PCLO: variants seen among roughly 807,000 people sequenced by gnomAD.
PCLO encodes the protein piccolo presynaptic cytomatrix protein.
PCLO carries 82 observed loss-of-function variants against 427.5 expected under a neutral mutation model. That is an observed-to-expected ratio of 0.19 (90% CI 0.16 to 0.23). The LOEUF is 0.23. Among genes scored for constraint, PCLO ranks in the 10% least tolerant of loss-of-function variants. The pLI, the probability that PCLO is intolerant of heterozygous loss-of-function variation, is 1.00. For missense variants in PCLO, 6,239 were observed against 6,115.9 expected, an observed-to-expected ratio of 1.02 and a Z score of -0.67; for synonymous variants, 2,357 against 2,155.4, an observed-to-expected ratio of 1.09 and a Z score of -2.59.
chr7:82,895,027 C>G (rs1392662468), intron 9 of PCLO, among the ~76,000 whole-genome samples: 4 of 152,016 alleles, frequency 2.6e-5, no homozygotes, highest in Non-Finnish European at 5.9e-5. Flanking sequence ...AACTGTCAGA[C>G]TCACAAATTG....
At chr7:82,911,841 T>A (rs972876203) in intron 7 of PCLO, among the ~76,000 whole-genome samples, 1 of 152,102 alleles carries the variant, frequency 6.6e-6, no homozygotes, top group Admixed American at 6.6e-5. Flanking sequence ...TAGGATGGTC[T>A]CGATCTCTTG....
intron 3 of PCLO, among the ~76,000 whole-genome samples, chr7:83,076,487 T>C (rs890129418): frequency 2.0e-5 from 3 of 152,128 alleles, no homozygotes; most frequent in Non-Finnish European, 4.4e-5. Context: ...GGTCTTGAAC[T>C]CCTGACCTCA....
rs79528122 is a variant in PCLO, at chr7:82,870,204, T to C, written c.13654+9133A>G. On this transcript the variant is annotated intron_variant, in intron 10 of 24. Coordinates refer to ENST00000333891, the MANE Select transcript of PCLO (RefSeq NM_033026.6). ...GGCTTCAAAATATACTACAATGGTATACTAACCAAAAGAGCATGGCATGGC... is the reference window on the plus strand; with the variant it reads ...GGCTTCAAAATATACTACAATGGTACACTAACCAAAAGAGCATGGCATGGC... Among the ~76,000 whole-genome samples, 8 of 152,084 alleles carry C rather than the reference T, an allele frequency of 5.3e-5. No homozygotes were observed. In the East Asian group the frequency reaches 1.5e-3, roughly 29 times the overall value.
At chr7:82,909,575 T>C (rs1794273477) in intron 7 of PCLO, among the ~76,000 whole-genome samples, 1 of 152,112 alleles carries the variant, frequency 6.6e-6, no homozygotes, top group African/African-American at 2.4e-5. Flanking sequence ...TGTATGGAAG[T>C]TTCTGTCACT....
intron 10 of PCLO, among the ~76,000 whole-genome samples, chr7:82,847,939 A>T (rs747286178): frequency 2.6e-5 from 4 of 152,162 alleles, no homozygotes; most frequent in Non-Finnish European, 5.9e-5. Context: ...CATTTGAACA[A>T]GGAACCCACA....
chr7:83,093,492 A>ATATTTTTTT, intron 3 of PCLO, among the ~76,000 whole-genome samples: 1 of 59,340 alleles, frequency 1.7e-5, no homozygotes, highest in Non-Finnish European at 3.3e-5. Flanking sequence ...ATATATATAT[A>ATATTTTTTT]TTTTTTTTTT....
rs370964845 is a variant in PCLO, at chr7:82,956,735, G to A, written c.4218C>T (p.Pro1406=). ...SFSQESSPSS[P]SDLAKLESTV... is the part of the protein sequence containing the mutation. ...TACTTTCTAACTTAGCCAAATCTGA[G>A]GGGCTGGAAGGGCTGCTTTCTTGTG... Residue 1406 remains proline, a synonymous_variant, in exon 5 of 25, where the codon CCC becomes CCT. Transcript: ENST00000333891. 3 of 1,613,760 alleles carry A rather than the reference G, an allele frequency of 1.9e-6. No individual in the cohort carries two copies. The highest frequency in any genetic ancestry group is 2.5e-6 in the Non-Finnish European group (3 of 1,179,818).
chr7:82,954,325 A>G lies in PCLO; in HGVS notation c.6628T>C (p.Tyr2210His). 6 of 1,613,816 alleles carry G rather than the reference A, an allele frequency of 3.7e-6. No individual in the cohort carries two copies. The highest frequency in any genetic ancestry group is 4.2e-6 in the Non-Finnish European group (5 of 1,179,740). The change falls in exon 5 of 25, where the codon TAT (tyrosine) becomes CAT (histidine). Residue 2210 changes from tyrosine to histidine, a missense_variant. Tyr to His is a moderately conservative substitution (Grantham distance 83). Around this residue, in one of 5 missense-constraint regions of PCLO, gnomAD observed 4,677 missense variants for 4,468.4 expected, o/e 1.05. Coordinates refer to ENST00000333891, the MANE Select transcript of PCLO (RefSeq NM_033026.6). Reference protein sequence around the residue: ...ITTLDSITTVYTEPVDMITKF... With the variant: ...ITTLDSITTVHTEPVDMITKF... ...GTTATCATGTCCACTGGCTCTGTAT[A>G]AACTGTGGTTATGCTATCCAGGGTA...
At chr7:82,882,527 A>G (rs1222760648) in intron 9 of PCLO, among the ~76,000 whole-genome samples, 2 of 152,206 alleles carry the variant, frequency 1.3e-5, no homozygotes, top group Non-Finnish European at 2.9e-5. Context: ...TCCAGATAAC[A>G]TAAGTGCTTT....
chr7:82,978,183 ACT>A (rs1237148555), intron 3 of PCLO, among the ~76,000 whole-genome samples: 1 of 146,700 alleles, frequency 6.8e-6, no homozygotes, highest in Non-Finnish European at 1.5e-5. Context: ...CCCGGCAAAA[ACT>A]CTGTATGAAA....
In PCLO at chr7:83,155,391, G is replaced by C; in HGVS notation, c.1250C>G (p.Thr417Arg). ...PAKPPTQQVGTPKPLAQQPGL... is the reference protein window; with the variant it reads ...PAKPPTQQVGRPKPLAQQPGL... ...AGGTTGTTGAGCTAGGGGTTTTGGT[G>C]TCCCCACCTGCTGGGTTGGAGGCTT... Residue 417 changes from threonine (T) to arginine (R), a missense_variant, in exon 2 of 25, where the codon ACA becomes AGA. By Grantham distance (71) the Thr-to-Arg change is moderately conservative. Around this residue, in one of 5 missense-constraint regions of PCLO, gnomAD observed 4,677 missense variants for 4,468.4 expected, o/e 1.05. Coordinates refer to ENST00000333891, the MANE Select transcript of PCLO (RefSeq NM_033026.6). 3 of 1,613,866 alleles carry C rather than the reference G, an allele frequency of 1.9e-6. No individual in the cohort carries two copies. Among genetic ancestry groups the C allele is most frequent in the Non-Finnish European group, 2.5e-6 (3 of 1,179,870 alleles).
intron 3 of PCLO, among the ~76,000 whole-genome samples, chr7:83,014,479 A>T (rs1451665007): frequency 9.2e-5 from 14 of 152,186 alleles, no homozygotes; most frequent in Admixed American, 9.2e-4. Flanking sequence ...TGGATCAAAG[A>T]ATATATTTCT....
In PCLO at chr7:83,050,227, A is replaced by AAAAAACAAAAACAAAAAC. The variant is rs1554385582; in HGVS notation, c.3301-83741_3301-83740insGTTTTTGTTTTTGTTTTT. Among the ~76,000 whole-genome samples the AAAAAACAAAAACAAAAAC allele has an allele frequency of 3.9e-3, 330 of 85,578 alleles. 6 individuals are homozygous for AAAAAACAAAAACAAAAAC. The highest frequency in any genetic ancestry group is 6.3e-3 in the Non-Finnish European group (236 of 37,684). The allele number at this position is 85,578 out of a possible 152,430, so 56.1% of individuals were successfully genotyped here. ...AAAACTGAAAAAAAAAAAAAAAAAA[A>AAAAAACAAAAACAAAAAC]AAAAAAAAAACACAAGCAAACAAAA... On this transcript the variant is annotated intron_variant, in intron 3 of 24. Transcript: ENST00000333891.
intron 9 of PCLO, among the ~76,000 whole-genome samples, chr7:82,894,022 T>C (rs780022273): frequency 6.6e-5 from 10 of 151,906 alleles, no homozygotes; most frequent in African/African-American, 1.4e-4. Flanking sequence ...AATATTTAAG[T>C]ATAAAAATCT....
Position 83,104,015 on chromosome 7 carries a change from T to C in PCLO, c.3300+30235A>G, listed in dbSNP as rs1220038854. Among the ~76,000 whole-genome samples the C allele has an allele frequency of 3.9e-5, 6 of 152,166 alleles. No individual in the cohort carries two copies. The East Asian group carries it at 7.7e-4, about 20-fold the overall frequency. On this transcript the variant is annotated intron_variant, in intron 3 of 24. Coordinates refer to ENST00000333891, the MANE Select transcript of PCLO (RefSeq NM_033026.6). ...ATTACTTTTTAAAGTTGAAAATTGT[T>C]GTTCATTAAGTAACACATTGAGAAC...
At chr7:82,826,151 C>T (rs574337514) in intron 18 of PCLO, among the ~76,000 whole-genome samples, 252 of 151,712 alleles carry the variant, frequency 1.7e-3, no homozygotes, top group African/African-American at 5.7e-3. Context: ...TTTTCTCCTA[C>T]TTGTAGTTTT....
At chr7:83,118,528 T>C (rs1198920394) in intron 3 of PCLO, among the ~76,000 whole-genome samples, 1 of 149,800 alleles carries the variant, frequency 6.7e-6, no homozygotes, top group African/African-American at 2.4e-5. Flanking sequence ...AGAGAATTTC[T>C]ACCCTTGGAA....
At chr7:82,998,434 A>AACAACAACAACT (rs1787688546) in intron 3 of PCLO, among the ~76,000 whole-genome samples, 1 of 132,740 alleles carries the variant, frequency 7.5e-6, no homozygotes, top group East Asian at 2.4e-4. Context: ...CAACAACAAC[A>AACAACAACAACT]ACTATTAATC....
In PCLO at chr7:82,952,154, G is replaced by T. The variant is rs377071940; in HGVS notation, c.8799C>A (p.Thr2933=). ...CACAGCACACAGCTCTTCTCCCTGC[G>T]GTTAAATCAACGGGTTTTTCATCTT... The part of the protein sequence containing the change: ...IIEDEKPVDL[T]AGRRAVCCDV... Residue 2933 remains threonine (T), a synonymous_variant, in exon 5 of 25, where the codon ACC becomes ACA. Transcript: ENST00000333891. 1 of 1,588,644 alleles carries T rather than the reference G, an allele frequency of 6.3e-7. No individual in the cohort carries two copies. Among genetic ancestry groups the T allele is most frequent in the African/African-American group, 1.5e-5 (1 of 66,096 alleles).
Sources: allele counts gnomAD v4.1 joint callset (sites outside exome capture counted in the v4.1 genomes callset), GRCh38; gene constraint gnomAD v4.1.1; regional missense constraint gnomAD v4.1.1; transcripts MANE v1.5; gene names NCBI Gene and HGNC (gene_info 2026-07-23, HGNC 2026-07-21).